The following TAF2 variants were observed in gnomAD, a reference collection of about 807,000 sequenced individuals.
The protein encoded by TAF2 is TATA-box binding protein associated factor 2.
A neutral mutation model predicts 138.5 loss-of-function variants in TAF2; 61 were observed. The observed-to-expected ratio is 0.44, with a 90% CI of 0.36 to 0.54. TAF2 has a LOEUF of 0.54. Among genes scored for constraint, TAF2 ranks in the 20% least tolerant of loss-of-function variants. TAF2 has a pLI of 0.00. For missense variants in TAF2, 1,090 were observed against 1,427.9 expected, an observed-to-expected ratio of 0.76 and a Z score of 3.81; for synonymous variants, 475 against 469.9, an observed-to-expected ratio of 1.01 and a Z score of -0.14.
intron 20 of TAF2, among the ~76,000 whole-genome samples, chr8:119,759,878 G>C (rs1820942955): frequency 1.3e-5 from 2 of 152,070 alleles, no homozygotes; most frequent in Admixed American, 1.3e-4. Flanking sequence ...ACTGTCTTTT[G>C]AATCTACATA....
At chr8:119,830,975 T>C (rs997813029) in intron 2 of TAF2, among the ~76,000 whole-genome samples, 1 of 152,048 alleles carries the variant, frequency 6.6e-6, no homozygotes, top group Non-Finnish European at 1.5e-5. Context: ...GGCGTGGTCA[T>C]GCACACCTGT....
intron 3 of TAF2, among the ~76,000 whole-genome samples, chr8:119,811,109 C>T (rs1281699972): frequency 6.6e-6 from 1 of 152,102 alleles, no homozygotes; most frequent in East Asian, 1.9e-4. Context: ...GCCCTATAAC[C>T]TCTACCATCC....
At chr8:119,818,422 C>G (rs1287736487) in intron 3 of TAF2, among the ~76,000 whole-genome samples, 1 of 152,030 alleles carries the variant, frequency 6.6e-6, no homozygotes, top group East Asian at 1.9e-4. Flanking sequence ...CCCCAAAACA[C>G]AAAGAATCAC....
At chr8:119,810,093 C>T (rs1455047956) in intron 3 of TAF2, among the ~76,000 whole-genome samples, 1 of 149,768 alleles carries the variant, frequency 6.7e-6, no homozygotes, top group Non-Finnish European at 1.5e-5. Context: ...TTTAAATTAT[C>T]ATACAATTAA....
intron 10 of TAF2, among the ~76,000 whole-genome samples, chr8:119,792,573 TCA>T (rs1169504470): frequency 6.6e-6 from 1 of 152,144 alleles, no homozygotes; most frequent in African/African-American, 2.4e-5. Context: ...AACTACACTC[TCA>T]CAGTGTATGA....
intron 2 of TAF2, among the ~76,000 whole-genome samples, chr8:119,820,384 G>A (rs559789893): frequency 2.0e-5 from 3 of 152,100 alleles, no homozygotes; most frequent in African/African-American, 7.2e-5. Flanking sequence ...CAACCACAGA[G>A]GACTAGATTA....
intron 18 of TAF2, among the ~76,000 whole-genome samples, chr8:119,775,006 CGTG>C (rs937929341): frequency 7.9e-5 from 12 of 151,764 alleles, no homozygotes; most frequent in African/African-American, 2.9e-4. Context: ...GGAGGCCAGG[CGTG>C]GTGGCTCACA....
intron 12 of TAF2, 97 bp downstream of exon 12, chr8:119,789,495 C>A: frequency 7.1e-7 from 1 of 1,402,930 alleles, no homozygotes; most frequent in Non-Finnish European, 1.0e-6. Context: ...GTTCATACTT[C>A]CTTGAGTCCC....
chr8:119,806,253 T>C lies in TAF2; in HGVS notation c.418+30A>G, dbSNP rs116322009. The C allele has an allele frequency of 1.6e-3, 2,439 of 1,550,418 alleles. 30 individuals are homozygous for C. The African/African-American group carries it at 0.027, about 17-fold the overall frequency. On this transcript the variant is annotated intron_variant, in intron 4 of 25. Transcript: ENST00000378164. Reference sequence around the variant, plus strand: ...GTGTCTGAATCTAACGTGATTTTAGTGTACAGTCAATATACTCTTGGTGCT... The same window carrying C: ...GTGTCTGAATCTAACGTGATTTTAGCGTACAGTCAATATACTCTTGGTGCT...
At chr8:119,823,676 G>C (rs1057437211) in intron 2 of TAF2, among the ~76,000 whole-genome samples, 1 of 152,184 alleles carries the variant, frequency 6.6e-6, no homozygotes, top group East Asian at 1.9e-4. Flanking sequence ...TACCAACAGA[G>C]TGGGGTGCTG....
intron 22 of TAF2, among the ~76,000 whole-genome samples, chr8:119,749,495 G>A (rs1794724359): frequency 6.6e-6 from 1 of 152,118 alleles, no homozygotes. Flanking sequence ...TCAAAATCAT[G>A]GAATAAAATC....
In TAF2 at chr8:119,825,948, T is replaced by G. The variant is rs554791921; in HGVS notation, c.138+5729A>C. ...ACCTCATGATCTGCCCGCCTCGGCCTCCCAAAGTGCTGGGATTACAGGCGT... is the reference window on the plus strand; with the variant it reads ...ACCTCATGATCTGCCCGCCTCGGCCGCCCAAAGTGCTGGGATTACAGGCGT... On this transcript the variant is annotated intron_variant, in intron 2 of 25. Transcript: ENST00000378164. Among the ~76,000 whole-genome samples the G allele has an allele frequency of 2.9e-3, 437 of 151,718 alleles. 4 individuals are homozygous for G. Among genetic ancestry groups the G allele is most frequent in the South Asian group, 0.01 (48 of 4,796 alleles).
At chr8:119,758,677 T>G (rs1433757173) in intron 20 of TAF2, among the ~76,000 whole-genome samples, 1 of 152,198 alleles carries the variant, frequency 6.6e-6, no homozygotes, top group Non-Finnish European at 1.5e-5. Context: ...ATAAAATGAC[T>G]AGCTATTTCC....
intron 2 of TAF2, among the ~76,000 whole-genome samples, chr8:119,820,533 A>G (rs1249299413): frequency 6.6e-6 from 1 of 152,012 alleles, no homozygotes; most frequent in Non-Finnish European, 1.5e-5. Flanking sequence ...CAGTATTAAA[A>G]AGTTAACTTT....
intron 2 of TAF2, among the ~76,000 whole-genome samples, chr8:119,823,972 T>C (rs1353583944): frequency 3.9e-5 from 6 of 152,174 alleles, no homozygotes; most frequent in Non-Finnish European, 7.3e-5. Flanking sequence ...CCCTAGAGAT[T>C]TGTGGAACTT....
intron 25 of TAF2, among the ~76,000 whole-genome samples, chr8:119,737,085 T>G (rs1477941258): frequency 6.6e-6 from 1 of 152,172 alleles, no homozygotes; most frequent in African/African-American, 2.4e-5. Context: ...AAATGTTAGA[T>G]TCAAAAAGAT....
intron 25 of TAF2, among the ~76,000 whole-genome samples, chr8:119,732,729 G>C (rs1818965729): frequency 6.6e-6 from 1 of 152,094 alleles, no homozygotes; most frequent in Admixed American, 6.5e-5. Flanking sequence ...ACTTGAACCT[G>C]GGAGGCCGAG....
At chr8:119,741,153 T>A (rs1306180268) in intron 25 of TAF2, among the ~76,000 whole-genome samples, 5 of 152,148 alleles carry the variant, frequency 3.3e-5, no homozygotes, top group Non-Finnish European at 7.4e-5. Context: ...GGATCAATGA[T>A]AAAAAGGCAC....
intron 25 of TAF2, among the ~76,000 whole-genome samples, chr8:119,741,032 C>T (rs1452924816): frequency 6.6e-6 from 1 of 152,148 alleles, no homozygotes; most frequent in Non-Finnish European, 1.5e-5. Context: ...TATTCCCCAC[C>T]ATTAGGGCTG....
Sources: allele counts gnomAD v4.1 joint callset (sites outside exome capture counted in the v4.1 genomes callset), GRCh38; gene constraint gnomAD v4.1.1; transcripts MANE v1.5; gene names NCBI Gene and HGNC (gene_info 2026-07-23, HGNC 2026-07-21).